The following MPDZ variants were observed in gnomAD, a reference collection of about 807,000 sequenced individuals.
MPDZ encodes multiple PDZ domain protein.
MPDZ carries 234 observed loss-of-function variants against 239.1 expected under a neutral mutation model. The observed-to-expected ratio is 0.98, with a 90% CI of 0.88 to 1.09. The LOEUF is 1.09. Ranked by LOEUF, MPDZ falls within the 50% of genes least tolerant of loss-of-function variation. The pLI, the probability that MPDZ is intolerant of heterozygous loss-of-function variation, is 0.00. For missense variants in MPDZ, 3,175 were observed against 2,510.0 expected (o/e 1.26, Z -5.66); for synonymous variants, 1,048 against 881.3 (o/e 1.19, Z -3.35).
intron 1 of MPDZ, among the ~76,000 whole-genome samples, chr9:13,252,631 T>C (rs749239503): frequency 1.7e-4 from 25 of 148,092 alleles, no homozygotes; most frequent in Non-Finnish European, 2.7e-4. Context: ...AGCAAATAAC[T>C]TGAGCTCAGG....
rs561721339 is a variant in MPDZ at position 13,263,034 on chromosome 9, T to C, written c.-57-12662A>G. ...AATTTAGCTTTCTCTTTTTTTTGTG[T>C]AAGGAAACTGTATTTTTATAATGGT... On this transcript the variant is annotated intron_variant, in intron 1 of 46. Transcript: ENST00000319217. 1.4e-4 allele frequency among the ~76,000 whole-genome samples: 22 copies of C among 152,194 alleles called. No homozygotes were observed. In the East Asian group the frequency reaches 4.3e-3, roughly 29 times the overall value.
rs1955614767 is a variant in MPDZ, at chr9:13,196,125, A to G, written c.1652T>C (p.Ile551Thr). ...WQRIMGINYE[I>T]VVAHVSKFSE... ...ACAGAAGGTCAGCTAACCTACCACT[A>G]TTTCATAGTTAATTCCCATAATCCT... Residue 551 changes from isoleucine to threonine, a missense_variant, in exon 13 of 47, where the codon ATA (isoleucine) becomes ACA (threonine). Ile to Thr is a moderately conservative substitution (Grantham distance 89, BLOSUM62 -1). Coordinates refer to ENST00000319217, the MANE Select transcript of MPDZ (RefSeq NM_001378778.1). The G allele has an allele frequency of 4.4e-6, 7 of 1,590,482 alleles. No individual in the cohort carries two copies. The highest frequency in any genetic ancestry group is 6.0e-6 in the Non-Finnish European group (7 of 1,165,560).
intron 36 of MPDZ, 71 bp from the exon 37 acceptor site, chr9:13,122,241 A>G (rs1354804380): frequency 2.5e-5 from 33 of 1,345,296 alleles, no homozygotes; most frequent in Non-Finnish European, 3.3e-5. Context: ...AATGGAGTCC[A>G]AACACATTAT....
chr9:13,136,671 AAC>A, intron 30 of MPDZ, 39 bp downstream of exon 30: 1 of 1,267,286 alleles, frequency 7.9e-7, no homozygotes, highest in Non-Finnish European at 1.1e-6. Context: ...AAGAAATGCT[AAC>A]AAAAAGTATT....
intron 1 of MPDZ, among the ~76,000 whole-genome samples, chr9:13,251,128 C>CAA (rs150252589): frequency 0.019 from 654 of 34,580 alleles, 2 homozygotes; most frequent in African/African-American, 0.023. Context: ...GACTCCATCT[C>CAA]AAAAAAAAAA....
At chr9:13,221,310 T>C in intron 7 of MPDZ, 62 bp downstream of exon 7, 1 of 1,442,882 alleles carries the variant, frequency 6.9e-7, no homozygotes, top group Non-Finnish European at 9.2e-7. Flanking sequence ...AACAAAAAAA[T>C]GTAAAAGATG....
rs1317438149 is a variant in MPDZ, at chr9:13,140,080, C to T, written c.3910G>A (p.Ala1304Thr). 1 of 1,613,038 alleles carries T rather than the reference C, an allele frequency of 6.2e-7. No homozygotes were observed. Among genetic ancestry groups the T allele is most frequent in the African/African-American group, 1.3e-5 (1 of 74,750 alleles). The stretch of plus-strand genomic sequence containing the variant: ...TGATCACTACCCATTTCGGCAAAGG[C>T]TGAAGGAGGGGGTGGGGGCACACTG... ...LCSVPPPPPSAFAEMGSDHTQ... is the reference protein window; with the variant it reads ...LCSVPPPPPSTFAEMGSDHTQ... The change falls in exon 28 of 47, where the codon GCC becomes ACC. Residue 1304 changes from alanine to threonine, a missense_variant. By Grantham distance (58) the Ala-to-Thr change is moderately conservative. Transcript: ENST00000319217.
intron 1 of MPDZ, among the ~76,000 whole-genome samples, chr9:13,269,593 G>C (rs1248769762): frequency 1.3e-5 from 2 of 152,130 alleles, no homozygotes; most frequent in African/African-American, 2.4e-5. Flanking sequence ...TGTACCTCTA[G>C]TGCTTCTGTT....
At chr9:13,260,851 A>G (rs1284964482) in intron 1 of MPDZ, among the ~76,000 whole-genome samples, 1 of 152,182 alleles carries the variant, frequency 6.6e-6, no homozygotes, top group East Asian at 1.9e-4. Flanking sequence ...ATAAATTTCT[A>G]TGGTTTACAC....
chr9:13,124,461 T>C (rs552692820), intron 35 of MPDZ, among the ~76,000 whole-genome samples: 1 of 152,308 alleles, frequency 6.6e-6, no homozygotes, highest in East Asian at 1.9e-4. Flanking sequence ...CCACCCCCCG[T>C]TACAGAAAAA....
chr9:13,108,865 A>G, intron 46 of MPDZ, 71 bp downstream of exon 46: 2 of 1,517,292 alleles, frequency 1.3e-6, no homozygotes, highest in Non-Finnish European at 8.9e-7. Context: ...CCATAAACTA[A>G]TAAGCCAGCT....
Position 13,125,332 on chromosome 9 carries a change from T to A in MPDZ, c.4691A>T (p.Asn1564Ile). 6.2e-7 allele frequency: 1 copy of A among 1,613,910 alleles called. No homozygotes were observed. The highest frequency in any genetic ancestry group is 8.5e-7 in the Non-Finnish European group (1 of 1,179,774). Residue 1564 changes from asparagine to isoleucine, a missense_variant, in exon 35 of 47, where the codon AAT becomes ATT. Coordinates refer to ENST00000319217, the MANE Select transcript of MPDZ (RefSeq NM_001378778.1). Reference sequence around the variant, plus strand: ...TGAAGGAACAGCCTGGGAATCTGGATTCTCAGCATGGATGGTAAGTTTTAC... The same window carrying A: ...TGAAGGAACAGCCTGGGAATCTGGAATCTCAGCATGGATGGTAAGTTTTAC... ...MTVKLTIHAE[N>I]PDSQAVPSAA...
chr9:13,222,241 A>T lies in MPDZ; in HGVS notation c.739T>A (p.Ser247Thr). The T allele has an allele frequency of 6.2e-7, 1 of 1,612,208 alleles. No individual in the cohort carries two copies. The highest frequency in any genetic ancestry group is 2.2e-5 in the East Asian group (1 of 44,788). Reference protein sequence around the residue: ...PSAASTISAHSNPVHWQHMET... With the variant: ...PSAASTISAHTNPVHWQHMET... ...AAATTTTAGGTACTCACCGGATTAG[A>T]GTGAGCTGAAATTGTGCTGGCTGCA... Residue 247 changes from serine (S) to threonine (T), a missense_variant, in exon 6 of 47, where the codon TCT becomes ACT. Transcript: ENST00000319217.
chr9:13,136,361 T>C (rs1160463750), intron 30 of MPDZ, among the ~76,000 whole-genome samples, 179 bp from the exon 31 acceptor site: 2 of 126,228 alleles, frequency 1.6e-5, no homozygotes, highest in East Asian at 4.7e-4. Flanking sequence ...AGACAGAGTC[T>C]CTTTCTGTTG....
intron 38 of MPDZ, among the ~76,000 whole-genome samples, chr9:13,120,850 G>C (rs908035037): frequency 6.6e-6 from 1 of 152,146 alleles, no homozygotes; most frequent in African/African-American, 2.4e-5. Flanking sequence ...GTGGCTATCT[G>C]AGGCCCAAGA....
At chr9:13,113,475 A>C (rs1386879136) in intron 41 of MPDZ, among the ~76,000 whole-genome samples, 1 of 152,192 alleles carries the variant, frequency 6.6e-6, no homozygotes, top group Non-Finnish European at 1.5e-5. Context: ...AGTTTCTTCA[A>C]TTTGAACAAC....
chr9:13,208,401 C>T (rs1297300393), intron 10 of MPDZ, among the ~76,000 whole-genome samples: 3 of 151,642 alleles, frequency 2.0e-5, no homozygotes, highest in Non-Finnish European at 4.4e-5. Context: ...GAGCCATGAT[C>T]ATGCCAGTGC....
rs558898832 is a variant in MPDZ at position 13,210,174 on chromosome 9, G to A, written c.1291-4075C>T. Among the ~76,000 whole-genome samples, 57 of 151,754 alleles carry A rather than the reference G, an allele frequency of 3.8e-4. No individual in the cohort carries two copies. In the South Asian group the frequency reaches 0.012, roughly 31 times the overall value. The stretch of plus-strand genomic sequence containing the variant: ...TACCAGCCTCTAGGCAGCAAAGAGA[G>A]AGACTAGGTTATCTGTACAATTGTG... On this transcript the variant is annotated intron_variant, in intron 10 of 46. Transcript: ENST00000319217.
At chr9:13,151,405 C>A (rs1009133458) in intron 24 of MPDZ, among the ~76,000 whole-genome samples, 3 of 152,000 alleles carry the variant, frequency 2.0e-5, no homozygotes, top group Non-Finnish European at 4.4e-5. Context: ...AATTATCTAT[C>A]AAGAAATGAG....
Sources: gnomAD v4.1 joint callset for allele counts (sites outside exome capture counted in the v4.1 genomes callset) on GRCh38, gnomAD v4.1.1 for gene constraint, MANE v1.5 for transcripts, NCBI Gene and HGNC (gene_info 2026-07-23, HGNC 2026-07-21) for gene names.